Variants in LSAMP observed in about 807,000 individuals in gnomAD.
LSAMP encodes the protein limbic system-associated membrane protein.
LSAMP carries 7 observed loss-of-function variants against 38.6 expected under a neutral mutation model. That is an observed-to-expected ratio of 0.18 (90% confidence interval 0.10 to 0.34). The LOEUF is 0.34. Ranked by LOEUF, LSAMP falls within the 10% of genes least tolerant of loss-of-function variation. The probability of loss-of-function intolerance (pLI) is 1.00; values close to 1 mark genes in which losing one functional copy is unlikely to be tolerated. For missense variants in LSAMP, 313 were observed against 420.0 expected (o/e 0.75, Z 2.23); for synonymous variants, 154 against 166.8 (o/e 0.92, Z 0.59).
intron 3 of LSAMP, among the ~76,000 whole-genome samples, chr3:115,983,794 G>A (rs1015050294): frequency 2.6e-5 from 4 of 152,172 alleles, no homozygotes; most frequent in Non-Finnish European, 5.9e-5. Context: ...TTACACTGGG[G>A]CCTGCAGAAA....
intron 1 of LSAMP, among the ~76,000 whole-genome samples, chr3:116,333,524 G>C (rs1341155916): frequency 1.5e-5 from 2 of 130,448 alleles, no homozygotes; most frequent in Non-Finnish European, 3.1e-5. Flanking sequence ...ACAGAACAAG[G>C]TTCCATCTCA....
chr3:116,347,078 C>G (rs2048072873), intron 1 of LSAMP, among the ~76,000 whole-genome samples: 1 of 152,130 alleles, frequency 6.6e-6, no homozygotes, highest in Non-Finnish European at 1.5e-5. Context: ...TAGGGCAAAC[C>G]CAGAGTGTTG....
chr3:116,009,384 G>A (rs1266656426), intron 3 of LSAMP, among the ~76,000 whole-genome samples: 2 of 151,968 alleles, frequency 1.3e-5, no homozygotes, highest in Non-Finnish European at 2.9e-5. Flanking sequence ...TCCTAGCACC[G>A]TCGTAACAGA....
chr3:116,330,233 T>C (rs2047830388), intron 1 of LSAMP, among the ~76,000 whole-genome samples: 1 of 152,130 alleles, frequency 6.6e-6, no homozygotes, highest in South Asian at 2.1e-4. Flanking sequence ...GGGGAAGGCT[T>C]GGACAGTAAA....
intron 6 of LSAMP, among the ~76,000 whole-genome samples, chr3:115,813,229 CAAAGGAGGTCCTAT>C (rs1559832107): frequency 6.6e-6 from 1 of 152,036 alleles, no homozygotes; most frequent in Non-Finnish European, 1.5e-5. Flanking sequence ...ACCACGTATA[CAAAGGAGGTCCTAT>C]AAAGTTATAG....
rs1260353204 is a variant in LSAMP, at chr3:115,805,134, C to T, written c.*5183G>A. ...AGAAGATAGCTGGGAGTGGATACAG[C>T]AGACATATAGCCCTTAAAACCTTTC... On this transcript the variant is annotated 3_prime_UTR_variant, in exon 7 of 7. Coordinates refer to ENST00000490035, the MANE Select transcript of LSAMP (RefSeq NM_002338.5). 3 of 152,162 alleles carry T rather than the reference C, an allele frequency of 2.0e-5. No individual in the cohort carries two copies. The highest frequency in any genetic ancestry group is 4.4e-5 in the Non-Finnish European group (3 of 68,028). The allele number at this position is 152,162 out of a possible 1,614,324, so 9.4% of individuals were successfully genotyped here. A position where few individuals can be genotyped will look rare whatever the true frequency, so the allele number is the denominator to read the frequency against.
intron 3 of LSAMP, among the ~76,000 whole-genome samples, chr3:115,944,743 C>CA (rs1938039808): frequency 6.6e-6 from 1 of 152,104 alleles, no homozygotes; most frequent in African/African-American, 2.4e-5. Flanking sequence ...TGTTCAAGGT[C>CA]ACATATCTTA....
chr3:116,360,051 G>T (rs1015883241), intron 1 of LSAMP: 2 of 154,576 alleles, frequency 1.3e-5, no homozygotes, highest in African/African-American at 4.8e-5. Flanking sequence ...AGCTCCCAGC[G>T]TGAGCGACGC....
chr3:116,328,693 C>T (rs1174001644), intron 1 of LSAMP, among the ~76,000 whole-genome samples: 1 of 151,870 alleles, frequency 6.6e-6, no homozygotes, highest in African/African-American at 2.4e-5. Context: ...CAAAGAAGGC[C>T]CATCTGTACA....
intron 1 of LSAMP, among the ~76,000 whole-genome samples, chr3:116,425,439 G>C (rs1026928465): frequency 5.3e-5 from 8 of 152,164 alleles, no homozygotes; most frequent in African/African-American, 1.9e-4. Flanking sequence ...GGAAGATAAG[G>C]GTTAGTGGAA....
chr3:115,864,373 T>C (rs1426408565), intron 3 of LSAMP, among the ~76,000 whole-genome samples: 1 of 152,230 alleles, frequency 6.6e-6, no homozygotes, highest in African/African-American at 2.4e-5. Flanking sequence ...GTTGTCACCA[T>C]CACTTTTCCT....
At chr3:116,226,927 G>A (rs1204727159) in intron 1 of LSAMP, among the ~76,000 whole-genome samples, 1 of 152,110 alleles carries the variant, frequency 6.6e-6, no homozygotes, top group Non-Finnish European at 1.5e-5. Flanking sequence ...TTTGTAACAA[G>A]GTGAAAGCTG....
At chr3:116,179,254 C>A (rs1710427856) in intron 1 of LSAMP, among the ~76,000 whole-genome samples, 1 of 152,154 alleles carries the variant, frequency 6.6e-6, no homozygotes, top group South Asian at 2.1e-4. Context: ...ACAGTTTCAT[C>A]TGTGGTCACT....
At chr3:116,070,976 G>T (rs1200201870) in intron 2 of LSAMP, among the ~76,000 whole-genome samples, 2 of 151,740 alleles carry the variant, frequency 1.3e-5, no homozygotes, top group African/African-American at 4.8e-5. Flanking sequence ...GGAGGTGGAG[G>T]TTGCAGTGAG....
intron 3 of LSAMP, among the ~76,000 whole-genome samples, chr3:115,905,325 G>T (rs1936981572): frequency 6.6e-6 from 1 of 152,048 alleles, no homozygotes. Flanking sequence ...GAAACTCACA[G>T]TTGCTCTAAT....
At chr3:116,235,414 G>C (rs150989785) in intron 1 of LSAMP, among the ~76,000 whole-genome samples, 290 of 152,098 alleles carry the variant, frequency 1.9e-3, no homozygotes, top group Middle Eastern at 3.4e-3. Flanking sequence ...CCACACCCAG[G>C]CTTTATTAAC....
intron 1 of LSAMP, among the ~76,000 whole-genome samples, chr3:116,189,902 T>A (rs1443289745): frequency 6.6e-6 from 1 of 152,176 alleles, no homozygotes; most frequent in African/African-American, 2.4e-5. Context: ...TTTCCTGTTT[T>A]TAACAAGCAC....
intron 1 of LSAMP, among the ~76,000 whole-genome samples, chr3:116,211,525 T>G (rs530238104): frequency 2.6e-5 from 4 of 152,322 alleles, no homozygotes; most frequent in African/African-American, 4.8e-5. Context: ...TCTATTAAGC[T>G]AATTGGGTTT....
chr3:116,096,160 C>A (rs73139199), intron 1 of LSAMP, among the ~76,000 whole-genome samples: 2,606 of 152,244 alleles, frequency 0.017, 48 homozygotes, highest in Non-Finnish European at 0.024. Flanking sequence ...TTTCGAAGAG[C>A]TTCAGGGTTT....
Sources: allele counts gnomAD v4.1 joint callset (sites outside exome capture counted in the v4.1 genomes callset), GRCh38; gene constraint gnomAD v4.1.1; transcripts MANE v1.5; gene names NCBI Gene and HGNC (gene_info 2026-07-23, HGNC 2026-07-21).